The following PRR12 variants were observed in gnomAD, a reference collection of about 807,000 sequenced individuals.
PRR12 encodes the protein proline-rich protein 12.
PRR12 carries 12 observed loss-of-function variants against 138.0 expected under a neutral mutation model. The observed-to-expected ratio is 0.09, with a 90% CI of 0.06 to 0.14. The LOEUF (loss-of-function observed/expected upper bound fraction) is 0.14. PRR12 is among the 10% of genes least tolerant of loss of function. The pLI is 1.00. For synonymous variants in PRR12, 1,567 were observed against 1,291.7 expected (o/e 1.21, Z -4.57); for missense variants, 2,692 against 2,861.3 (o/e 0.94, Z 1.35).
rs370995191 is a variant in PRR12 at position 49,597,917 on chromosome 19, C to A, written c.3582C>A (p.Thr1194=). The A allele has an allele frequency of 3.6e-6, 5 of 1,404,706 alleles. No individual in the cohort carries two copies. The highest frequency in any genetic ancestry group is 4.6e-6 in the Non-Finnish European group (5 of 1,083,490). The allele number at this position is 1,404,706 out of a possible 1,614,324, so 87.0% of individuals were successfully genotyped here. The part of the protein sequence containing the change: ...TAGPASASTP[T]DGAKKPRGRG... ...GGCCCGCCTCGGCCTCCACGCCCAC[C>A]GATGGCGCCAAGAAACCCCGGGGCC... The change falls in exon 4 of 14, where the codon ACC becomes ACA. Residue 1194 remains threonine, a synonymous_variant. Coordinates refer to ENST00000418929, the MANE Select transcript of PRR12 (RefSeq NM_020719.3). This position sits in a 1 kb window ranked among gnomAD's most constrained non-coding sequence, Gnocchi z 6.3.
intron 1 of PRR12, among the ~76,000 whole-genome samples, chr19:49,592,661 C>A (rs1398404977): frequency 6.6e-6 from 1 of 152,136 alleles, no homozygotes; most frequent in African/African-American, 2.4e-5. Context: ...TTCTTCCCCA[C>A]GGGTGAGTTG....
intron 6 of PRR12, among the ~76,000 whole-genome samples, chr19:49,611,221 G>A (rs2080864294): frequency 6.6e-6 from 1 of 152,112 alleles, no homozygotes; most frequent in Non-Finnish European, 1.5e-5. Context: ...TACTTGGTGG[G>A]TAGGTGGCTG....
chr19:49,601,445 A>G (rs1166124680), intron 5 of PRR12, 46 bp from the exon 6 acceptor site: 5 of 1,069,254 alleles, frequency 4.7e-6, no homozygotes, highest in Non-Finnish European at 6.8e-6. Flanking sequence ...GAAAGGTGCC[A>G]GGAATGATGA....
At chr19:49,610,171 C>T (rs1420751480) in intron 6 of PRR12, among the ~76,000 whole-genome samples, 3 of 152,036 alleles carry the variant, frequency 2.0e-5, no homozygotes, top group Admixed American at 2.0e-4. Context: ...GACAAGGTTT[C>T]ACCATGTCGG....
chr19:49,600,014 C>A (rs550098290), intron 5 of PRR12, 76 bp downstream of exon 5: 2 of 1,399,612 alleles, frequency 1.4e-6, no homozygotes, highest in Non-Finnish European at 1.9e-6. Flanking sequence ...GTGCAGGTTA[C>A]GCACTGTTTA....
intron 5 of PRR12, 93 bp downstream of exon 5, chr19:49,600,031 A>G: frequency 1.5e-6 from 2 of 1,293,974 alleles, no homozygotes; most frequent in Non-Finnish European, 2.1e-6. Flanking sequence ...TTTAAGAGAC[A>G]CCATTCACAT....
intron 4 of PRR12, 24 bp downstream of exon 4, chr19:49,598,037 G>A (rs2080786999): frequency 1.5e-6 from 2 of 1,320,386 alleles, no homozygotes; most frequent in Non-Finnish European, 9.7e-7. Context: ...GGGTCTTGTA[G>A]GGGATAGGGG....
chr19:49,609,465 G>A (rs1177878550), intron 6 of PRR12, among the ~76,000 whole-genome samples: 1 of 152,008 alleles, frequency 6.6e-6, no homozygotes, highest in Non-Finnish European at 1.5e-5. Flanking sequence ...GCCGGACATG[G>A]TGGCGGGTCC....
intron 11 of PRR12, among the ~76,000 whole-genome samples, chr19:49,622,962 G>A (rs866338054): frequency 6.9e-6 from 1 of 145,392 alleles, no homozygotes; most frequent in Non-Finnish European, 1.5e-5. Flanking sequence ...GAGAGAAAGA[G>A]AGAGAGAGAG....
At chr19:49,593,599 G>T (rs2080744351) in intron 2 of PRR12, among the ~76,000 whole-genome samples, 160 bp downstream of exon 2, 2 of 151,974 alleles carry the variant, frequency 1.3e-5, no homozygotes, top group African/African-American at 2.4e-5. Context: ...GAGGCTGCTG[G>T]TCGCTGCTTC....
At position 49,601,902 on chromosome 19, in the gene PRR12, A is replaced by G; in HGVS notation, c.4757A>G (p.Asp1586Gly). The G allele has an allele frequency of 6.2e-7, 1 of 1,611,774 alleles. No homozygotes were observed. Among genetic ancestry groups the G allele is most frequent in the South Asian group, 1.1e-5 (1 of 90,896 alleles). The change falls in exon 6 of 14, where the codon GAC becomes GGC. Residue 1586 changes from aspartate (D) to glycine (G), a missense_variant. Asp to Gly is a moderately conservative substitution (Grantham distance 94, BLOSUM62 -1). Transcript: ENST00000418929. ...ERDEFVIRAE[D>G]IPSLKLALQT... ...GACGAGTTCGTCATCCGTGCTGAGGACATCCCTTCCCTCAAGGTGAGTCCC... is the reference window on the plus strand; with the variant it reads ...GACGAGTTCGTCATCCGTGCTGAGGGCATCCCTTCCCTCAAGGTGAGTCCC...
In PRR12 at chr19:49,614,113, A is replaced by T. The variant is rs1270461530; in HGVS notation, c.4774-420A>T. Among the ~76,000 whole-genome samples, 1 of 152,160 alleles carries T rather than the reference A, an allele frequency of 6.6e-6. No homozygotes were observed. Among genetic ancestry groups the T allele is most frequent in the Admixed American group, 6.6e-5 (1 of 15,266 alleles). ...AACAAGAGCAAAACTCCGTCTCAAA[A>T]AAAGAAAAAGTAAAAAGAGAATTAT... On this transcript the variant is annotated intron_variant, in intron 6 of 13. Coordinates refer to ENST00000418929, the MANE Select transcript of PRR12 (RefSeq NM_020719.3). This position sits in a 1 kb window ranked among gnomAD's most constrained non-coding sequence, Gnocchi z 5.0.
chr19:49,593,472 G>A, intron 2 of PRR12, 33 bp downstream of exon 2: 2 of 1,000,552 alleles, frequency 2.0e-6, no homozygotes, highest in Non-Finnish European at 3.1e-6. Context: ...CTTTGGGCTG[G>A]CCCTCCCCCT....
chr19:49,621,450 G>A, intron 10 of PRR12, 75 bp from the exon 11 acceptor site: 1 of 1,205,550 alleles, frequency 8.3e-7, no homozygotes, highest in Non-Finnish European at 1.2e-6. Flanking sequence ...TGGGGACCCA[G>A]ACTCCATGAC....
intron 6 of PRR12, among the ~76,000 whole-genome samples, chr19:49,604,363 CAAAAA>C (rs758315046): frequency 1.1e-5 from 1 of 91,346 alleles, no homozygotes; most frequent in Admixed American, 1.2e-4. Context: ...GAGACTGTCT[CAAAAA>C]AAAAAAAAAA....
intron 6 of PRR12, among the ~76,000 whole-genome samples, chr19:49,608,497 A>G (rs2080849506): frequency 6.6e-6 from 1 of 151,900 alleles, no homozygotes; most frequent in African/African-American, 2.4e-5. Flanking sequence ...CAGCCTCCCG[A>G]GTAGCGCAGA....
chr19:49,619,257 T>C (rs1248881879), intron 9 of PRR12, among the ~76,000 whole-genome samples: 1 of 128,472 alleles, frequency 7.8e-6, no homozygotes, highest in Non-Finnish European at 1.6e-5. Context: ...TTTGAGACAG[T>C]CTTGCTCTCG....
chr19:49,592,381 CTT>C (rs1811998306), intron 1 of PRR12, among the ~76,000 whole-genome samples: 1 of 152,292 alleles, frequency 6.6e-6, no homozygotes, highest in Non-Finnish European at 1.5e-5. Context: ...CGTTTGCCCT[CTT>C]GAGTCTGGCC....
intron 10 of PRR12, 105 bp downstream of exon 10, chr19:49,620,582 C>T: frequency 1.4e-6 from 2 of 1,462,274 alleles, no homozygotes; most frequent in Non-Finnish European, 1.8e-6. Context: ...GGGGTCGGGA[C>T]TCCTGAGTCT....
Sources: gnomAD v4.1 joint callset for allele counts (sites outside exome capture counted in the v4.1 genomes callset) on GRCh38, gnomAD v4.1.1 for gene constraint, Gnocchi (gnomAD v3.1) non-coding constraint, MANE v1.5 for transcripts, NCBI Gene and HGNC (gene_info 2026-07-23, HGNC 2026-07-21) for gene names.